The following ARPIN variants were observed in gnomAD, a reference collection of about 807,000 sequenced individuals.
ARPIN encodes the protein UPF0552 protein C15orf38.
A neutral mutation model predicts 25.9 loss-of-function variants in ARPIN; 23 were observed. That is an observed-to-expected ratio of 0.89 (90% CI 0.64 to 1.26). The LOEUF is 1.26. Among genes scored for constraint, ARPIN ranks in the 50% most tolerant of loss-of-function variants. The probability of loss-of-function intolerance (pLI) is 0.00; values close to 1 mark genes in which losing one functional copy is unlikely to be tolerated. For synonymous variants in ARPIN, 126 were observed against 131.4 expected, an observed-to-expected ratio of 0.96 and a Z score of 0.28; for missense variants, 333 against 312.2, an observed-to-expected ratio of 1.07 and a Z score of -0.50.
Position 89,895,112 on chromosome 15 carries a change from A to C in ARPIN, c.*6683T>G, listed in dbSNP as rs1048278100. The C allele has an allele frequency of 4.6e-5, 7 of 152,172 alleles. No individual in the cohort carries two copies. Among genetic ancestry groups the C allele is most frequent in the African/African-American group, 1.7e-4 (7 of 41,442 alleles). The allele number at this position is 152,172 out of a possible 1,614,324, so 9.4% of individuals were successfully genotyped here. A position where few individuals can be genotyped will look rare whatever the true frequency, so the allele number is the denominator to read the frequency against. On this transcript the variant is annotated 3_prime_UTR_variant, in exon 6 of 6. Coordinates refer to ENST00000357484, the MANE Select transcript of ARPIN (RefSeq NM_182616.4). ...TATCTTCAGAACAGTAAAAAAAAGA[A>C]GAAAAAAATATATATCTCAGCAGTG...
Position 89,908,337 on chromosome 15 carries a change from C to T in ARPIN, c.244G>A (p.Glu82Lys), listed in dbSNP as rs773274722. 38 of 1,613,978 alleles carry T rather than the reference C, an allele frequency of 2.4e-5. No individual in the cohort carries two copies. In the Admixed American group the frequency reaches 3.3e-4, roughly 14 times the overall value. ...TTCCTGGTGGCGCTGAAGTTGGGCT[C>T]GATTTCATTTCCCTTGGCGTCGAAT... ...RKFDAKGNEI[E>K]PNFSATRKVN... Residue 82 changes from glutamate to lysine, a missense_variant, in exon 3 of 6, where the codon GAG becomes AAG. By Grantham distance (56) the Glu-to-Lys change is moderately conservative. Transcript: ENST00000357484.
rs377050179 is a variant in ARPIN at position 89,910,755 on chromosome 15, G to A, written c.157C>T (p.His53Tyr). ...GGAAGCATCCTCACCTTCCTGCCAT[G>A]AGTGTCCAAGATGCTGTGCCGAGAT... is the stretch of plus-strand genomic sequence containing the variant. ...DVSRHSILDT[H>Y]GRKERYYVLY... The change falls in exon 2 of 6, where the codon CAT (histidine) becomes TAT (tyrosine). Residue 53 changes from histidine (H) to tyrosine (Y), a missense_variant. Coordinates refer to ENST00000357484, the MANE Select transcript of ARPIN (RefSeq NM_182616.4). 5 of 1,614,040 alleles carry A rather than the reference G, an allele frequency of 3.1e-6. No individual in the cohort carries two copies. The highest frequency in any genetic ancestry group is 1.3e-5 in the African/African-American group (1 of 74,934).
chr15:89,910,181 G>C (rs1897197964), intron 2 of ARPIN, among the ~76,000 whole-genome samples: 1 of 152,134 alleles, frequency 6.6e-6, no homozygotes, highest in African/African-American at 2.4e-5. Flanking sequence ...TACTGGAGGG[G>C]GCATTTTTAG....
chr15:89,903,922 G>T lies in ARPIN; in HGVS notation c.363C>A (p.Asn121Lys), dbSNP rs765395185. 1 of 1,613,080 alleles carries T rather than the reference G, an allele frequency of 6.2e-7. No homozygotes were observed. The highest frequency in any genetic ancestry group is 8.5e-7 in the Non-Finnish European group (1 of 1,180,032). Residue 121 changes from asparagine (N) to lysine (K), a missense_variant, in exon 4 of 6, where the codon AAC (asparagine) becomes AAA (lysine). Transcript: ENST00000357484. ...LTPEALKGLVNKPELLALTES... is the reference protein window; with the variant it reads ...LTPEALKGLVKKPELLALTES... Reference sequence around the variant, plus strand: ...CTGTCAGCGCGAGCAGCTCTGGCTTGTTGACCAGCCCCTTCAGCGCCTCGG... The same window carrying T: ...CTGTCAGCGCGAGCAGCTCTGGCTTTTTGACCAGCCCCTTCAGCGCCTCGG...
In ARPIN at chr15:89,903,790, A is replaced by G; in HGVS notation, c.495T>C (p.Asp165=). The change falls in exon 4 of 6, where the codon GAT becomes GAC. Residue 165 remains aspartate (D), a synonymous_variant. Coordinates refer to ENST00000357484, the MANE Select transcript of ARPIN (RefSeq NM_182616.4). ...GAGVRLKTRG[D]GPFLDSLAKL... ...TGCATTGCTCACCCAGGAAGGGACC[A>G]TCGCCCCGAGTCTTCAGCCGTACCC... 1 of 1,614,190 alleles carries G rather than the reference A, an allele frequency of 6.2e-7. No individual in the cohort carries two copies. The highest frequency in any genetic ancestry group is 8.5e-7 in the Non-Finnish European group (1 of 1,180,026).
intron 5 of ARPIN, among the ~76,000 whole-genome samples, chr15:89,902,255 A>G (rs1022588232): frequency 2.6e-5 from 4 of 151,740 alleles, no homozygotes; most frequent in African/African-American, 7.3e-5. Context: ...CTAAAAATAC[A>G]AAATTAGCCA....
At chr15:89,909,370 G>C (rs184775428) in intron 2 of ARPIN, among the ~76,000 whole-genome samples, 1 of 152,264 alleles carries the variant, frequency 6.6e-6, no homozygotes, top group East Asian at 1.9e-4. Flanking sequence ...AGGGTAGGGA[G>C]GTCTGCCAAC....
Position 89,901,656 on chromosome 15 carries a change from A to G in ARPIN, c.*139T>C. ...TGGTTTTAGCAGAGCTTGTTCAAAGAGTATTCCAAGGTGGCTATGGGGAAG... is the reference window on the plus strand; with the variant it reads ...TGGTTTTAGCAGAGCTTGTTCAAAGGGTATTCCAAGGTGGCTATGGGGAAG... On this transcript the variant is annotated 3_prime_UTR_variant, in exon 6 of 6. Coordinates refer to ENST00000357484, the MANE Select transcript of ARPIN (RefSeq NM_182616.4). 1 of 1,013,772 alleles carries G rather than the reference A, an allele frequency of 9.9e-7. No homozygotes were observed. The highest frequency in any genetic ancestry group is 1.6e-5 in the African/African-American group (1 of 62,654). 62.8% of individuals were successfully genotyped at this position (1,013,772 alleles called of 1,614,324 possible). A position where few individuals can be genotyped will look rare whatever the true frequency, so the allele number is the denominator to read the frequency against.
intron 2 of ARPIN, among the ~76,000 whole-genome samples, chr15:89,910,154 C>G (rs1223789121): frequency 2.6e-5 from 4 of 152,154 alleles, no homozygotes; most frequent in Non-Finnish European, 4.4e-5. Context: ...CTCCATGTAG[C>G]ACCAGGCCTC....
chr15:89,902,325 T>A (rs1464209259), intron 5 of ARPIN, among the ~76,000 whole-genome samples: 1 of 152,036 alleles, frequency 6.6e-6, no homozygotes, highest in Non-Finnish European at 1.5e-5. Flanking sequence ...GGAGAATTGC[T>A]TGAACCCGGG....
At position 89,912,736 on chromosome 15, in the gene ARPIN, A is replaced by C; in HGVS notation, c.92+8T>G. 1 of 1,177,988 alleles carries C rather than the reference A, an allele frequency of 8.5e-7. No individual in the cohort carries two copies. The highest frequency in any genetic ancestry group is 1.1e-6 in the Non-Finnish European group (1 of 947,412). The allele number at this position is 1,177,988 out of a possible 1,614,324, so 73.0% of individuals were successfully genotyped here. On this transcript the variant is annotated splice_region_variant and intron_variant, in intron 1 of 5. Coordinates refer to ENST00000357484, the MANE Select transcript of ARPIN (RefSeq NM_182616.4). ...GAGGCCGACCCGAGGCCGTGAGCCCAGGCCTACCCCTGGTGGGCGGCGGGG... is the reference window on the plus strand; with the variant it reads ...GAGGCCGACCCGAGGCCGTGAGCCCCGGCCTACCCCTGGTGGGCGGCGGGG...
Position 89,900,350 on chromosome 15 carries a change from C to T in ARPIN, c.*1445G>A, listed in dbSNP as rs1896997809. On this transcript the variant is annotated 3_prime_UTR_variant, in exon 6 of 6. Coordinates refer to ENST00000357484, the MANE Select transcript of ARPIN (RefSeq NM_182616.4). ...TCTGCTACTCATTAGCTGTGTGACT[C>T]TGGGCAGGTTGCTTAACCTGTCTGA... 6.6e-6 allele frequency: 1 copy of T among 152,240 alleles called. No homozygotes were observed. 9.4% of individuals were successfully genotyped at this position (152,240 alleles called of 1,614,324 possible). A position where few individuals can be genotyped will look rare whatever the true frequency, so the allele number is the denominator to read the frequency against.
Position 89,903,211 on chromosome 15 carries a change from C to T in ARPIN, c.672+5G>A. On this transcript the variant is annotated splice_donor_5th_base_variant and intron_variant, in intron 5 of 5. Coordinates refer to ENST00000357484, the MANE Select transcript of ARPIN (RefSeq NM_182616.4). ...GATACAACTGCACCAACACCAGGTA[C>T]CTACCCACTCCTCGTCCTCTGCCCC... 1 of 1,614,200 alleles carries T rather than the reference C, an allele frequency of 6.2e-7. No individual in the cohort carries two copies. Among genetic ancestry groups the T allele is most frequent in the South Asian group, 1.1e-5 (1 of 91,088 alleles).
At chr15:89,908,236 G>A (rs543240337) in intron 3 of ARPIN, 44 bp downstream of exon 3, 2 of 1,611,800 alleles carry the variant, frequency 1.2e-6, no homozygotes, top group South Asian at 2.2e-5. Context: ...CCGCCACACT[G>A]CAGGAGGGCC....
chr15:89,906,299 G>A (rs1347052373), intron 3 of ARPIN, among the ~76,000 whole-genome samples: 2 of 152,098 alleles, frequency 1.3e-5, no homozygotes, highest in Non-Finnish European at 2.9e-5. Context: ...CTTGGTTAGA[G>A]TTGAGCTCCT....
At position 89,912,770 on chromosome 15, in the gene ARPIN, C is replaced by T; in HGVS notation, c.66G>A (p.Gly22=). The T allele has an allele frequency of 2.0e-6, 3 of 1,504,490 alleles. No homozygotes were observed. Among genetic ancestry groups the T allele is most frequent in the Non-Finnish European group, 2.7e-6 (3 of 1,131,642 alleles). 93.2% of individuals were successfully genotyped at this position (1,504,490 alleles called of 1,614,324 possible). A position where few individuals can be genotyped will look rare whatever the true frequency, so the allele number is the denominator to read the frequency against. Residue 22 remains glycine (G), a synonymous_variant, in exon 1 of 6, where the codon GGG becomes GGA. Coordinates refer to ENST00000357484, the MANE Select transcript of ARPIN (RefSeq NM_182616.4). ...NKAVQSVRLP[G]AWDPAAHQGG... is the part of the protein sequence containing the mutation. Reference sequence around the variant, plus strand: ...CCTGGTGGGCGGCGGGGTCCCAGGCCCCTGGCAGCCGGACGCTCTGCACCG... The same window carrying T: ...CCTGGTGGGCGGCGGGGTCCCAGGCTCCTGGCAGCCGGACGCTCTGCACCG...
Position 89,903,377 on chromosome 15 carries a change from A to G in ARPIN, c.511T>C (p.Ser171Pro), listed in dbSNP as rs1897058623. 26 of 1,614,188 alleles carry G rather than the reference A, an allele frequency of 1.6e-5. No individual in the cohort carries two copies. The highest frequency in any genetic ancestry group is 2.1e-5 in the Non-Finnish European group (25 of 1,180,018). ...GTTCCAGCCTCAAGTTTGGCCAATG[A>G]ATCTGAAAGAAGAGATGAAATTGAA... is the stretch of plus-strand genomic sequence containing the variant. ...KTRGDGPFLD[S>P]LAKLEAGTVT... Residue 171 changes from serine to proline, a missense_variant and splice_region_variant, in exon 5 of 6, where the codon TCA becomes CCA. Coordinates refer to ENST00000357484, the MANE Select transcript of ARPIN (RefSeq NM_182616.4).
intron 2 of ARPIN, among the ~76,000 whole-genome samples, chr15:89,909,020 A>C (rs1306762993): frequency 6.6e-6 from 1 of 152,074 alleles, no homozygotes; most frequent in Non-Finnish European, 1.5e-5. Context: ...CCATAACCCA[A>C]GCCCGAGGAC....
chr15:89,909,148 C>T (rs941910494), intron 2 of ARPIN, among the ~76,000 whole-genome samples: 1 of 152,196 alleles, frequency 6.6e-6, no homozygotes, highest in Non-Finnish European at 1.5e-5. Flanking sequence ...ACAAACCACT[C>T]AGTTTCCCCA....
Sources: allele counts gnomAD v4.1 joint callset (sites outside exome capture counted in the v4.1 genomes callset), GRCh38; gene constraint gnomAD v4.1.1; transcripts MANE v1.5; gene names NCBI Gene and HGNC (gene_info 2026-07-23, HGNC 2026-07-21).